Variants in MMP17 observed in about 807,000 individuals in gnomAD.
MMP17 encodes matrix metallopeptidase 17.
In MMP17, 54 loss-of-function variants were observed where a neutral mutation model predicts 49.1. The ratio of observed to expected loss-of-function variants is 1.10; its 90% CI spans 0.88 to 1.38. The LOEUF is 1.38. MMP17 is among the 40% of genes most tolerant of loss of function. The pLI, the probability that MMP17 is intolerant of heterozygous loss-of-function variation, is 0.00. For missense variants in MMP17, 837 were observed against 853.7 expected (o/e 0.98, Z 0.24); for synonymous variants, 397 against 383.1 (o/e 1.04, Z -0.42).
intron 3 of MMP17, chr12:131,840,352 C>A (rs1887321507): frequency 1.9e-6 from 1 of 526,092 alleles, no homozygotes; most frequent in Non-Finnish European, 3.4e-6. Context: ...GGGGTCTCAG[C>A]CTGCCTGGGC....
At position 131,846,792 on chromosome 12, in the gene MMP17, A is replaced by G. The variant is rs934877665; in HGVS notation, c.1204+1343A>G. ...AGTTTGGAGGACGTCATTCAATCCA[A>G]TGTGGCAGCCACTCCCACAGTCACG... On this transcript the variant is annotated intron_variant, in intron 8 of 9. Transcript: ENST00000360564. This position sits in a 1 kb window ranked among gnomAD's most constrained non-coding sequence, Gnocchi z 4.6. Among the ~76,000 whole-genome samples the G allele has an allele frequency of 3.3e-5, 5 of 152,064 alleles. No individual in the cohort carries two copies. The highest frequency in any genetic ancestry group is 7.2e-5 in the African/African-American group (3 of 41,386).
chr12:131,845,277 C>G lies in MMP17; in HGVS notation c.1052-20C>G. ...GTGCAGACCGTCTCTGCAGCCCGGCCCTCCCCTCTGTGCCCCCAGGCAAGT... is the reference window on the plus strand; with the variant it reads ...GTGCAGACCGTCTCTGCAGCCCGGCGCTCCCCTCTGTGCCCCCAGGCAAGT... On this transcript the variant is annotated intron_variant, in intron 7 of 9. Transcript: ENST00000360564. 1.2e-6 allele frequency: 2 copies of G among 1,612,328 alleles called. No homozygotes were observed. The highest frequency in any genetic ancestry group is 1.7e-6 in the Non-Finnish European group (2 of 1,178,770).
At chr12:131,843,694 A>G (rs1315427022) in intron 5 of MMP17, among the ~76,000 whole-genome samples, 1 of 152,222 alleles carries the variant, frequency 6.6e-6, no homozygotes, top group Non-Finnish European at 1.5e-5. Context: ...TGCGGTGAAC[A>G]GTGCTGTGAA....
chr12:131,841,265 G>A (rs564423451), intron 4 of MMP17, among the ~76,000 whole-genome samples: 8 of 152,222 alleles, frequency 5.3e-5, no homozygotes, highest in South Asian at 4.1e-4. Context: ...GCCCAGGCCC[G>A]TCTTGTGGGG....
intron 8 of MMP17, among the ~76,000 whole-genome samples, chr12:131,848,616 C>T (rs1187990767): frequency 2.7e-5 from 4 of 150,260 alleles, no homozygotes; most frequent in African/African-American, 9.7e-5. Flanking sequence ...ACCCCCACTT[C>T]GCTTGCTGTC....
At chr12:131,830,372 G>A (rs1211123443) in intron 1 of MMP17, among the ~76,000 whole-genome samples, 1 of 152,228 alleles carries the variant, frequency 6.6e-6, no homozygotes, top group Non-Finnish European at 1.5e-5. Context: ...GGCAGTGAGT[G>A]GGGCCCCGGT....
intron 1 of MMP17, among the ~76,000 whole-genome samples, chr12:131,836,445 T>A (rs1438612296): frequency 1.3e-5 from 2 of 150,906 alleles, no homozygotes; most frequent in East Asian, 3.9e-4. Flanking sequence ...GTGGCATAAA[T>A]GAGTCACAAG....
chr12:131,834,309 C>A (rs1375899180), intron 1 of MMP17, among the ~76,000 whole-genome samples: 1 of 152,156 alleles, frequency 6.6e-6, no homozygotes, highest in Non-Finnish European at 1.5e-5. Context: ...GCCCCTCCCC[C>A]TCCCCAGTGG....
rs140855643 is a variant in MMP17 at position 131,845,349 on chromosome 12, G to A, written c.1104G>A (p.Pro368=). Residue 368 remains proline (P), a synonymous_variant, in exon 8 of 10, where the codon CCG becomes CCA. Transcript: ENST00000360564. ...TRDRHLVSLQ[P]AQMHRFWRGL... is the part of the protein sequence containing the mutation. ...ACCGGCACCTGGTGTCCCTGCAGCC[G>A]GCACAGATGCACCGCTTCTGGCGGG... The A allele has an allele frequency of 1.0e-4, 163 of 1,602,832 alleles. No individual in the cohort carries two copies. Among genetic ancestry groups the A allele is most frequent in the East Asian group, 2.5e-4 (11 of 44,676 alleles).
chr12:131,839,631 G>A (rs1358207536), intron 3 of MMP17, among the ~76,000 whole-genome samples: 2 of 151,980 alleles, frequency 1.3e-5, no homozygotes, highest in African/African-American at 4.8e-5. Flanking sequence ...GAGCCACCAG[G>A]CCCAACTAAT....
chr12:131,839,100 T>C (rs1482259418), intron 3 of MMP17, among the ~76,000 whole-genome samples: 3 of 152,146 alleles, frequency 2.0e-5, no homozygotes, highest in Non-Finnish European at 2.9e-5. Flanking sequence ...GGCTGGATGG[T>C]GCCCTGGGGA....
At chr12:131,829,207 C>T (rs76808903) in intron 1 of MMP17, among the ~76,000 whole-genome samples, 1 of 152,216 alleles carries the variant, frequency 6.6e-6, no homozygotes, top group South Asian at 2.1e-4. Context: ...AGGACCTGGC[C>T]CTCAGCCTCC....
At chr12:131,849,621 G>A (rs1887871526) in intron 8 of MMP17, among the ~76,000 whole-genome samples, 181 bp from the exon 9 acceptor site, 1 of 152,202 alleles carries the variant, frequency 6.6e-6, no homozygotes, top group Non-Finnish European at 1.5e-5. Context: ...CACAGTAGGT[G>A]CTCACTAAGT....
At chr12:131,844,891 T>A in intron 6 of MMP17, 2 of 551,608 alleles carry the variant, frequency 3.6e-6, no homozygotes, top group Non-Finnish European at 6.5e-6. Flanking sequence ...TCCCCGCAGC[T>A]CCCTGGCGCT....
rs1348521303 is a variant in MMP17 at position 131,850,922 on chromosome 12, C to T, written c.1463-3C>T. On this transcript the variant is annotated splice_region_variant and splice_polypyrimidine_tract_variant and intron_variant, in intron 9 of 9. Coordinates refer to ENST00000360564, the MANE Select transcript of MMP17 (RefSeq NM_016155.7). ...TGAGCTCAGCTCTCCCTCCTCTTCT[C>T]AGGTGCCTCCTACTTCTTCCGTGGC... 1 of 1,471,574 alleles carries T rather than the reference C, an allele frequency of 6.8e-7. No homozygotes were observed. The highest frequency in any genetic ancestry group is 2.5e-5 in the Admixed American group (1 of 40,530). 91.2% of individuals were successfully genotyped at this position (1,471,574 alleles called of 1,614,324 possible). A position where few individuals can be genotyped will look rare whatever the true frequency, so the allele number is the denominator to read the frequency against.
At chr12:131,844,423 C>G (rs951231686) in intron 6 of MMP17, 4 of 360,998 alleles carry the variant, frequency 1.1e-5, no homozygotes, top group African/African-American at 8.8e-5. Context: ...GAGTGTCTGG[C>G]CTGTGCCCCC....
chr12:131,848,881 A>G (rs1282065720), intron 8 of MMP17, among the ~76,000 whole-genome samples: 5 of 152,102 alleles, frequency 3.3e-5, no homozygotes, highest in Non-Finnish European at 7.4e-5. Context: ...TGAGTGTGCA[A>G]ACGTCTCTCC....
chr12:131,838,698 G>A lies in MMP17; in HGVS notation c.379G>A (p.Ala127Thr). Residue 127 changes from alanine to threonine, a missense_variant, in exon 3 of 10, where the codon GCT (alanine) becomes ACT (threonine). Ala to Thr is a moderately conservative substitution (Grantham distance 58). Transcript: ENST00000360564. ...GACCCAGGCTCGCAGGAGACGCCAG[G>A]CTCCAGCCCCCACCAAGTGGAACAA... ...VLTQARRRRQ[A>T]PAPTKWNKRN... The A allele has an allele frequency of 6.2e-7, 1 of 1,603,354 alleles. No homozygotes were observed. The highest frequency in any genetic ancestry group is 1.7e-5 in the Admixed American group (1 of 58,820).
At chr12:131,839,843 G>A (rs1027750254) in intron 3 of MMP17, among the ~76,000 whole-genome samples, 1 of 145,624 alleles carries the variant, frequency 6.9e-6, no homozygotes, top group Admixed American at 6.9e-5. Flanking sequence ...TGCTATTCGG[G>A]AGGCTGAGGC....
Sources: gnomAD v4.1 joint callset for allele counts (sites outside exome capture counted in the v4.1 genomes callset) on GRCh38, gnomAD v4.1.1 for gene constraint, Gnocchi (gnomAD v3.1) non-coding constraint, MANE v1.5 for transcripts, NCBI Gene and HGNC (gene_info 2026-07-23, HGNC 2026-07-21) for gene names.